PUM1: variants seen among roughly 807,000 people sequenced by gnomAD.
PUM1 encodes the protein pumilio RNA binding family member 1.
In PUM1, 13 loss-of-function variants were observed where a neutral mutation model predicts 131.8. The ratio of observed to expected loss-of-function variants is 0.10; its 90% confidence interval spans 0.06 to 0.16. The LOEUF (loss-of-function observed/expected upper bound fraction) is 0.16, where lower values mean the gene tolerates loss of function less well. Ranked by LOEUF, PUM1 falls within the 10% of genes least tolerant of loss-of-function variation. The pLI is 1.00. For synonymous variants in PUM1, 509 were observed against 556.5 expected (o/e 0.91, Z 1.20); for missense variants, 961 against 1,512.4 (o/e 0.64, Z 6.05).
intron 11 of PUM1, among the ~76,000 whole-genome samples, chr1:30,967,548 A>G (rs1445289228): frequency 6.6e-6 from 1 of 152,216 alleles, no homozygotes. Context: ...AGCAGGAAAA[A>G]CCTAGATAGG....
At chr1:30,937,660 G>A (rs933285263) in intron 20 of PUM1, among the ~76,000 whole-genome samples, 1 of 152,136 alleles carries the variant, frequency 6.6e-6, no homozygotes, top group African/African-American at 2.4e-5. Flanking sequence ...AAAATTTACT[G>A]TATGGCTTTA....
At chr1:31,031,962 T>G (rs1643447239) in intron 2 of PUM1, among the ~76,000 whole-genome samples, 1 of 150,508 alleles carries the variant, frequency 6.6e-6, no homozygotes, top group South Asian at 2.1e-4. Flanking sequence ...CCTCCCTCTT[T>G]CAGGGTATCT....
At chr1:31,062,642 A>G (rs1644395569) in intron 1 of PUM1, among the ~76,000 whole-genome samples, 1 of 151,788 alleles carries the variant, frequency 6.6e-6, no homozygotes, top group Non-Finnish European at 1.5e-5. Flanking sequence ...AAAAAGCTAC[A>G]AAGTAAATAA....
chr1:31,007,150 A>G (rs878966841), intron 3 of PUM1, 48 bp from the exon 4 acceptor site: 1 of 1,388,676 alleles, frequency 7.2e-7, no homozygotes, highest in Non-Finnish European at 1.0e-6. Flanking sequence ...ATAAAGGATG[A>G]AAGTACAGCA....
chr1:30,963,277 C>T (rs865888565), intron 14 of PUM1, among the ~76,000 whole-genome samples: 1 of 152,130 alleles, frequency 6.6e-6, no homozygotes, highest in Admixed American at 6.5e-5. Flanking sequence ...TCTGCATTAA[C>T]CCCCAGTGTT....
rs1639010598 is a variant in PUM1, at chr1:30,932,674, A to G, written c.*537T>C. ...ATATATATATATATATATTTTTTATAAACAGTGTTAAATGCCAGTTTGGGG... is the reference window on the plus strand; with the variant it reads ...ATATATATATATATATATTTTTTATGAACAGTGTTAAATGCCAGTTTGGGG... On this transcript the variant is annotated 3_prime_UTR_variant, in exon 22 of 22. Transcript: ENST00000426105. 1 of 148,304 alleles carries G rather than the reference A, an allele frequency of 6.7e-6. No individual in the cohort carries two copies. Among genetic ancestry groups the G allele is most frequent in the South Asian group, 2.1e-4 (1 of 4,770 alleles). 9.2% of individuals were successfully genotyped at this position (148,304 alleles called of 1,614,324 possible). A position where few individuals can be genotyped will look rare whatever the true frequency, so the allele number is the denominator to read the frequency against.
At chr1:30,994,735 G>A (rs575067816) in intron 6 of PUM1, among the ~76,000 whole-genome samples, 2 of 152,292 alleles carry the variant, frequency 1.3e-5, no homozygotes, top group South Asian at 2.1e-4. Context: ...CTTAAGAAAG[G>A]TTCCAAGGCA....
At chr1:30,978,349 A>G (rs1641221799) in intron 9 of PUM1, among the ~76,000 whole-genome samples, 1 of 152,238 alleles carries the variant, frequency 6.6e-6, no homozygotes, top group Non-Finnish European at 1.5e-5. Context: ...AGCATTCAGG[A>G]CAATGCCTGA....
intron 5 of PUM1, among the ~76,000 whole-genome samples, chr1:30,996,244 T>C (rs1192404107): frequency 1.3e-5 from 2 of 152,134 alleles, no homozygotes; most frequent in Non-Finnish European, 2.9e-5. Context: ...GGAAGAGAAA[T>C]GCACATGGAC....
At position 30,936,845 on chromosome 1, in the gene PUM1, G is replaced by A. The variant is rs201154662; in HGVS notation, c.3243-10C>T. 9.4e-6 allele frequency: 15 copies of A among 1,593,544 alleles called. No individual in the cohort carries two copies. Among genetic ancestry groups the A allele is most frequent in the Non-Finnish European group, 1.3e-5 (15 of 1,165,310 alleles). On this transcript the variant is annotated splice_polypyrimidine_tract_variant and intron_variant, in intron 20 of 21. Coordinates refer to ENST00000426105, the MANE Select transcript of PUM1 (RefSeq NM_001020658.2). The stretch of plus-strand genomic sequence containing the variant: ...CTTCTCCACAACATTGCTGTAATGA[G>A]ATAAAACCAGGGACAACTCTTACAA...
intron 3 of PUM1, among the ~76,000 whole-genome samples, chr1:31,013,877 T>C (rs1642712849): frequency 6.6e-6 from 1 of 152,254 alleles, no homozygotes; most frequent in Admixed American, 6.5e-5. Flanking sequence ...CTAAGAACTA[T>C]ACTGATATTA....
chr1:31,044,688 T>A (rs1251445729), intron 2 of PUM1, among the ~76,000 whole-genome samples: 4 of 152,152 alleles, frequency 2.6e-5, no homozygotes, highest in Non-Finnish European at 1.5e-5. Flanking sequence ...AACTATATAT[T>A]TTTTTTAAGA....
chr1:30,936,808 G>T lies in PUM1; in HGVS notation c.3270C>A (p.His1090Gln), dbSNP rs141661422. The change falls in exon 21 of 22, where the codon CAC (histidine) becomes CAA (glutamine). Residue 1090 changes from histidine (H) to glutamine (Q), a missense_variant. By Grantham distance (24) the His-to-Gln change is conservative (BLOSUM62 0). This residue lies in a region of PUM1 where 178 missense variants were observed against 327.5 expected (regional missense o/e 0.54). Coordinates refer to ENST00000426105, the MANE Select transcript of PUM1 (RefSeq NM_001020658.2). ...ASNVVEKCVT[H>Q]ASRTERAVLI... ...GCACAGCGCGCTCCGTACGTGAGGC[G>T]TGAGTAACACACTTCTCCACAACAT... The T allele has an allele frequency of 6.2e-7, 1 of 1,612,652 alleles. No homozygotes were observed.
In PUM1 at chr1:31,053,387, T is replaced by C. The variant is rs549094635; in HGVS notation, c.363+5817A>G. Among the ~76,000 whole-genome samples the C allele has an allele frequency of 2.0e-5, 3 of 150,196 alleles. No homozygotes were observed. The South Asian group carries it at 6.4e-4, about 32-fold the overall frequency. The stretch of plus-strand genomic sequence containing the variant: ...TTTCATGAGACTTCTTTCCCTCACT[T>C]CCCTCCGAAGACCTCAGTTTGGCCC... On this transcript the variant is annotated intron_variant, in intron 2 of 21. Coordinates refer to ENST00000426105, the MANE Select transcript of PUM1 (RefSeq NM_001020658.2).
intron 5 of PUM1, among the ~76,000 whole-genome samples, chr1:31,000,051 CAG>C (rs1212495723): frequency 6.6e-6 from 1 of 152,186 alleles, no homozygotes; most frequent in African/African-American, 2.4e-5. Context: ...CCCTCTGCAC[CAG>C]AGATTGATCT....
At chr1:30,994,137 T>G (rs773670159) in intron 6 of PUM1, among the ~76,000 whole-genome samples, 12 of 152,118 alleles carry the variant, frequency 7.9e-5, no homozygotes, top group Non-Finnish European at 1.6e-4. Context: ...CATGCAAGAT[T>G]AACAATAATT....
intron 7 of PUM1, among the ~76,000 whole-genome samples, chr1:30,988,360 T>C (rs1004958709): frequency 1.3e-5 from 2 of 152,204 alleles, no homozygotes; most frequent in African/African-American, 2.4e-5. Flanking sequence ...TATAGGCTGA[T>C]AATAAGTTTG....
chr1:30,946,945 A>G (rs1186220620), intron 17 of PUM1, among the ~76,000 whole-genome samples: 1 of 152,134 alleles, frequency 6.6e-6, no homozygotes, highest in East Asian at 1.9e-4. Flanking sequence ...TTCACATACA[A>G]TTAATCGTGT....
intron 3 of PUM1, among the ~76,000 whole-genome samples, chr1:31,008,337 G>C (rs1642469871): frequency 6.6e-6 from 1 of 151,712 alleles, no homozygotes. Flanking sequence ...GACCAAAGCA[G>C]TTTGCCATAC....
Sources: allele counts gnomAD v4.1 joint callset (sites outside exome capture counted in the v4.1 genomes callset), GRCh38; gene constraint gnomAD v4.1.1; regional missense constraint gnomAD v4.1.1; transcripts MANE v1.5; gene names NCBI Gene and HGNC (gene_info 2026-07-23, HGNC 2026-07-21).